Variants in PHACTR2 observed in about 807,000 individuals in gnomAD.
PHACTR2 encodes phosphatase and actin regulator 2, also known as chromosome 6 open reading frame 56.
Under a neutral mutation model 76.0 loss-of-function variants are expected in PHACTR2, and 30 were observed. The observed-to-expected ratio is 0.39, with a 90% CI of 0.30 to 0.54. The LOEUF is 0.54. Among genes scored for constraint, PHACTR2 ranks in the 20% least tolerant of loss-of-function variants. The pLI is 0.61. For missense variants in PHACTR2, 696 were observed against 781.1 expected (o/e 0.89, Z 1.30); for synonymous variants, 292 against 292.5 (o/e 1.00, Z 0.02).
At chr6:143,799,222 A>T (rs374454648) in intron 11 of PHACTR2, among the ~76,000 whole-genome samples, 1 of 142,796 alleles carries the variant, frequency 7.0e-6, no homozygotes, top group Non-Finnish European at 1.6e-5. Context: ...CTGTGGGATC[A>T]GTGGTGATAT....
rs1012386459 is a variant in PHACTR2, at chr6:143,589,104, G to C, written c.217+51897G>C. ...AATTTATTTTCTCACAGCTCTGGAG[G>C]CTGGAAGTCCAAGATCAAGGTGTTA... is the stretch of plus-strand genomic sequence containing the variant. On this transcript the variant is annotated intron_variant, in intron 1 of 11. Transcript: ENST00000367584. The surrounding 1 kb of genome is among the most constrained non-coding windows in gnomAD (Gnocchi z 4.4). 2.0e-5 allele frequency among the ~76,000 whole-genome samples: 3 copies of C among 152,192 alleles called. No homozygotes were observed. The highest frequency in any genetic ancestry group is 4.4e-5 in the Non-Finnish European group (3 of 68,038).
At chr6:143,790,201 G>C (rs1009875561) in intron 11 of PHACTR2, among the ~76,000 whole-genome samples, 1 of 152,174 alleles carries the variant, frequency 6.6e-6, no homozygotes, top group African/African-American at 2.4e-5. Flanking sequence ...GCTGGTGATT[G>C]TGAAGGTCAA....
upstream of PHACTR2, among the ~76,000 whole-genome samples, chr6:143,604,183 G>A (rs1205422064): frequency 1.3e-5 from 2 of 151,986 alleles, no homozygotes; most frequent in East Asian, 3.9e-4. Flanking sequence ...CTTTCTCATT[G>A]GTAGTCAATG....
At chr6:143,605,340 T>A (rs555997372), upstream of PHACTR2, among the ~76,000 whole-genome samples, 1 of 152,340 alleles carries the variant, frequency 6.6e-6, no homozygotes, top group East Asian at 1.9e-4. The surrounding 1 kb of genome is among the most constrained non-coding windows in gnomAD (Gnocchi z 5.0). Context: ...GGCTTATCGA[T>A]GCCTCTACCA....
At position 143,678,436 on chromosome 6, in the gene PHACTR2, C is replaced by T. The variant is rs1265812851; in HGVS notation, c.46+227C>T. On this transcript the variant is annotated intron_variant, in intron 1 of 12. Transcript: ENST00000440869. This position sits in a 1 kb window ranked among gnomAD's most constrained non-coding sequence, Gnocchi z 6.2. Reference sequence around the variant, plus strand: ...AAGGCACAGGCTCCATTTTTCTGTGCGCGATGCCTCGCTGTGGTTTTTTAT... The same window carrying T: ...AAGGCACAGGCTCCATTTTTCTGTGTGCGATGCCTCGCTGTGGTTTTTTAT... 1.3e-5 allele frequency among the ~76,000 whole-genome samples: 2 copies of T among 149,748 alleles called. No homozygotes were observed. Among genetic ancestry groups the T allele is most frequent in the African/African-American group, 2.5e-5 (1 of 40,650 alleles).
At position 143,663,302 on chromosome 6, in the gene PHACTR2, G is replaced by A. The variant is rs1776974815; in HGVS notation, c.14-48714G>A. 6.6e-6 allele frequency among the ~76,000 whole-genome samples: 1 copy of A among 152,184 alleles called. No individual in the cohort carries two copies. Among genetic ancestry groups the A allele is most frequent in the South Asian group, 2.1e-4 (1 of 4,830 alleles). ...ATTACATTTTTCATTCAAAGTTGCAGAGCACTCTCTCAACATGCTGAGTGA... is the reference window on the plus strand; with the variant it reads ...ATTACATTTTTCATTCAAAGTTGCAAAGCACTCTCTCAACATGCTGAGTGA... On this transcript the variant is annotated intron_variant, in intron 1 of 11. Transcript: ENST00000305766. This position sits in a 1 kb window ranked among gnomAD's most constrained non-coding sequence, Gnocchi z 4.1.
intron 1 of PHACTR2, among the ~76,000 whole-genome samples, chr6:143,628,447 TTG>T (rs1776297656): frequency 6.6e-6 from 1 of 152,136 alleles, no homozygotes; most frequent in Non-Finnish European, 1.5e-5. Flanking sequence ...CTTTACCGAC[TTG>T]TTAGAGGCTG....
chr6:143,631,294 G>A (rs909354032), intron 1 of PHACTR2, among the ~76,000 whole-genome samples: 3 of 152,028 alleles, frequency 2.0e-5, no homozygotes, highest in South Asian at 2.1e-4. Context: ...GGGCTCAAGC[G>A]ATCCTCCTGC....
At chr6:143,566,674 C>G (rs1775367612) in intron 1 of PHACTR2, among the ~76,000 whole-genome samples, 1 of 151,954 alleles carries the variant, frequency 6.6e-6, no homozygotes, top group Non-Finnish European at 1.5e-5. Flanking sequence ...TGCACATGGT[C>G]CCTGTCCCTC....
chr6:143,712,736 T>C (rs570432833), intron 2 of PHACTR2, among the ~76,000 whole-genome samples: 21 of 152,330 alleles, frequency 1.4e-4, no homozygotes, highest in African/African-American at 4.3e-4. Context: ...TTTGTTATAT[T>C]TGATTTTAGA....
intron 1 of PHACTR2, among the ~76,000 whole-genome samples, chr6:143,670,550 C>CT (rs1010253354): frequency 7.2e-5 from 11 of 151,964 alleles, no homozygotes; most frequent in African/African-American, 1.2e-4. Flanking sequence ...CCCTTTTATT[C>CT]TTTTTTTTCT....
chr6:143,785,484 A>G (rs1427715726), intron 10 of PHACTR2, among the ~76,000 whole-genome samples: 1 of 152,164 alleles, frequency 6.6e-6, no homozygotes, highest in Non-Finnish European at 1.5e-5. Context: ...TTCTAGACAC[A>G]TGGTGCATGC....
At position 143,820,206 on chromosome 6, in the gene PHACTR2, A is replaced by G. The variant is rs897935362; in HGVS notation, c.1923-3468A>G. On this transcript the variant is annotated intron_variant, in intron 12 of 12. Coordinates refer to ENST00000440869, the MANE Select transcript of PHACTR2 (RefSeq NM_001100164.2). This position sits in a 1 kb window ranked among gnomAD's most constrained non-coding sequence, Gnocchi z 4.2. The stretch of plus-strand genomic sequence containing the variant: ...GAGATTTGGCAGGGACAAATATCCA[A>G]ACTGTATCATTTTGACCCTGGCTGC... Among the ~76,000 whole-genome samples the G allele has an allele frequency of 2.0e-5, 3 of 152,204 alleles. No individual in the cohort carries two copies. The highest frequency in any genetic ancestry group is 1.3e-4 in the Admixed American group (2 of 15,284).
Position 143,611,095 on chromosome 6 carries a change from T to A in PHACTR2, c.13+2773T>A, listed in dbSNP as rs9496700. 9.0e-3 allele frequency among the ~76,000 whole-genome samples: 1,369 copies of A among 152,240 alleles called. 20 individuals carry two copies. The highest frequency in any genetic ancestry group is 0.029 in the African/African-American group (1,193 of 41,516). On this transcript the variant is annotated intron_variant, in intron 1 of 11. Coordinates refer to the PHACTR2 transcript ENST00000305766. The surrounding 1 kb of genome is among the most constrained non-coding windows in gnomAD (Gnocchi z 4.4). ...CAGAGGCAAAGTTGATTGGTGTGTG[T>A]TTTTTATCTGAAACACAATTTTTGA...
chr6:143,742,147 T>A lies in PHACTR2; in HGVS notation c.215-6838T>A, dbSNP rs1778959898. Among the ~76,000 whole-genome samples, 1 of 150,540 alleles carries A rather than the reference T, an allele frequency of 6.6e-6. No homozygotes were observed. Among genetic ancestry groups the A allele is most frequent in the Non-Finnish European group, 1.5e-5 (1 of 67,878 alleles). On this transcript the variant is annotated intron_variant, in intron 2 of 12. Coordinates refer to ENST00000440869, the MANE Select transcript of PHACTR2 (RefSeq NM_001100164.2). This position sits in a 1 kb window ranked among gnomAD's most constrained non-coding sequence, Gnocchi z 4.5. Reference sequence around the variant, plus strand: ...AACATTTATTTGATACTTTTTTGATTAGTCAGGGCTCTTCACTGCTGATGA... The same window carrying A: ...AACATTTATTTGATACTTTTTTGATAAGTCAGGGCTCTTCACTGCTGATGA...
rs1222651991 is a variant in PHACTR2 at position 143,780,131 on chromosome 6, C to G, written c.1645+2748C>G. ...CCATTGAGTTCTGCATATATTTTTC[C>G]CCAACATTTTATTATGAAAATTTTT... On this transcript the variant is annotated intron_variant, in intron 9 of 12. Transcript: ENST00000440869. This position sits in a 1 kb window ranked among gnomAD's most constrained non-coding sequence, Gnocchi z 4.4. 6.6e-6 allele frequency among the ~76,000 whole-genome samples: 1 copy of G among 151,766 alleles called. No individual in the cohort carries two copies. Among genetic ancestry groups the G allele is most frequent in the Non-Finnish European group, 1.5e-5 (1 of 67,970 alleles).
chr6:143,702,549 ACCTAGACTCTTATCTCTTT>A (rs1002432760), intron 1 of PHACTR2, among the ~76,000 whole-genome samples: 5 of 152,142 alleles, frequency 3.3e-5, no homozygotes, highest in Admixed American at 2.6e-4. Context: ...GAATCAGGTG[ACCTAGACTCTTATCTCTTT>A]CACTAGTTAA....
upstream of PHACTR2, among the ~76,000 whole-genome samples, chr6:143,607,399 T>TACA (rs1300483841): frequency 6.6e-6 from 1 of 152,224 alleles, no homozygotes; most frequent in East Asian, 1.9e-4. Context: ...TTGGTGTCTT[T>TACA]GAGAGTCATC....
At chr6:143,746,213 C>T (rs902512969) in intron 2 of PHACTR2, among the ~76,000 whole-genome samples, 3 of 151,986 alleles carry the variant, frequency 2.0e-5, no homozygotes, top group Non-Finnish European at 2.9e-5. Context: ...GAATTGTGTC[C>T]CTTATTTTAC....
Sources: gnomAD v4.1 joint callset for allele counts (sites outside exome capture counted in the v4.1 genomes callset) on GRCh38, gnomAD v4.1.1 for gene constraint, Gnocchi (gnomAD v3.1) non-coding constraint, MANE v1.5 for transcripts, NCBI Gene and HGNC (gene_info 2026-07-23, HGNC 2026-07-21) for gene names.